The following PI4KA variants were observed in gnomAD, a reference collection of about 807,000 sequenced individuals.
The protein encoded by PI4KA is phosphatidylinositol 4-kinase alpha, also known as PI4-kinase alpha.
A neutral mutation model predicts 271.4 loss-of-function variants in PI4KA; 122 were observed. That is an observed-to-expected ratio of 0.45 (90% CI 0.39 to 0.52). The LOEUF is 0.52. Ranked by LOEUF, PI4KA falls within the 20% of genes least tolerant of loss-of-function variation. PI4KA has a pLI of 0.00. For synonymous variants in PI4KA, 1,041 were observed against 1,078.8 expected (o/e 0.96, Z 0.69); for missense variants, 1,969 against 2,769.1 (o/e 0.71, Z 6.48).
At chr22:20,770,027 T>C (rs982802475) in intron 19 of PI4KA, among the ~76,000 whole-genome samples, 2 of 152,154 alleles carry the variant, frequency 1.3e-5, no homozygotes, top group Non-Finnish European at 2.9e-5. Flanking sequence ...AGTATTCAAT[T>C]ATTCCAATTT....
chr22:20,735,000 T>C (rs904882811), intron 32 of PI4KA, among the ~76,000 whole-genome samples: 15 of 152,258 alleles, frequency 9.9e-5, no homozygotes, highest in East Asian at 3.9e-4. Flanking sequence ...AGACCCTACC[T>C]GATGCCTTCA....
At chr22:20,788,103 G>A (rs781364748) in intron 19 of PI4KA, among the ~76,000 whole-genome samples, 66 of 152,314 alleles carry the variant, frequency 4.3e-4, no homozygotes, top group Admixed American at 2.3e-3. Flanking sequence ...TGTTCAGCAC[G>A]CAAGAGTGCC....
At chr22:20,769,874 G>C (rs1342240875) in intron 19 of PI4KA, among the ~76,000 whole-genome samples, 1 of 152,192 alleles carries the variant, frequency 6.6e-6, no homozygotes, top group Non-Finnish European at 1.5e-5. Flanking sequence ...CTTCCCAGGA[G>C]TGATGGTAGC....
rs562075687 is a variant in PI4KA at position 20,710,302 on chromosome 22, C to T, written c.6084-305G>A. On this transcript the variant is annotated intron_variant, in intron 52 of 54. Transcript: ENST00000255882. The stretch of plus-strand genomic sequence containing the variant: ...GATGCAGACACGCTGACCTGCCTTT[C>T]TCTGCAGGGCAGTGGGGATGAACCC... 4.6e-5 allele frequency: 25 copies of T among 540,436 alleles called. No homozygotes were observed. The East Asian group carries it at 8.3e-4, about 18-fold the overall frequency. 33.5% of individuals were successfully genotyped at this position (540,436 alleles called of 1,614,324 possible). A position where few individuals can be genotyped will look rare whatever the true frequency, so the allele number is the denominator to read the frequency against.
chr22:20,819,690 TGACA>T lies in PI4KA; in HGVS notation c.736_739del (p.Cys246ArgfsTer5). 1.9e-6 allele frequency: 3 copies of T among 1,614,108 alleles called. No individual in the cohort carries two copies. Among genetic ancestry groups the T allele is most frequent in the Non-Finnish European group, 2.5e-6 (3 of 1,180,008 alleles). On this transcript the variant is annotated frameshift_variant, in exon 6 of 55. Coordinates refer to ENST00000255882, the MANE Select transcript of PI4KA (RefSeq NM_058004.4). LOFTEE classifies it high-confidence loss of function. ...GGTTTTCCTCTTCAGGGTACCCTCC[TGACA>T]GACAGTCAGCAGATTGCTGGGGAGG...
chr22:20,790,981 T>C (rs936685628), intron 19 of PI4KA, among the ~76,000 whole-genome samples: 1 of 152,120 alleles, frequency 6.6e-6, no homozygotes, highest in African/African-American at 2.4e-5. Context: ...CAGATAACAG[T>C]TCTGCCTGTA....
At chr22:20,753,363 G>A (rs1267519773) in intron 23 of PI4KA, among the ~76,000 whole-genome samples, 183 bp from the exon 24 acceptor site, 2 of 152,168 alleles carry the variant, frequency 1.3e-5, no homozygotes, top group African/African-American at 4.8e-5. Context: ...AGGCTGATGT[G>A]TCAAAACTGA....
chr22:20,726,631 C>T (rs1927385283), intron 41 of PI4KA, 90 bp from the exon 42 acceptor site: 1 of 1,183,948 alleles, frequency 8.4e-7, no homozygotes, highest in Non-Finnish European at 1.2e-6. Flanking sequence ...TCTGCTCTGC[C>T]CACAGCAGGG....
chr22:20,786,120 T>C, intron 19 of PI4KA: 1 of 1,614,044 alleles, frequency 6.2e-7, no homozygotes, highest in African/African-American at 1.3e-5. Flanking sequence ...ATGGCAGGCA[T>C]CTCAGACCAA....
At chr22:20,852,632 C>T (rs182784344) in intron 1 of PI4KA, among the ~76,000 whole-genome samples, 5 of 152,254 alleles carry the variant, frequency 3.3e-5, no homozygotes, top group Middle Eastern at 3.4e-3. Flanking sequence ...GTATACCCTC[C>T]GCTGACCCTC....
chr22:20,766,275 A>G (rs1353977256), intron 19 of PI4KA, among the ~76,000 whole-genome samples: 1 of 152,092 alleles, frequency 6.6e-6, no homozygotes, highest in Non-Finnish European at 1.5e-5. Flanking sequence ...TAACAGGTAA[A>G]GCAGAGTTGC....
rs1925445157 is a variant in PI4KA, at chr22:20,712,623, G to A, written c.5677-12C>T. The A allele has an allele frequency of 6.3e-7, 1 of 1,577,878 alleles. No homozygotes were observed. Among genetic ancestry groups the A allele is most frequent in the Admixed American group, 1.8e-5 (1 of 54,770 alleles). ...TCGATCACCCCGCACTAGGAGGAAA[G>A]GCCAGTTCTGAGGCCCGCTGGGTGC... On this transcript the variant is annotated splice_polypyrimidine_tract_variant and intron_variant, in intron 49 of 54. Transcript: ENST00000255882.
chr22:20,816,409 G>A (rs1157898731), intron 7 of PI4KA, among the ~76,000 whole-genome samples: 7 of 152,100 alleles, frequency 4.6e-5, no homozygotes, highest in Admixed American at 2.0e-4. Flanking sequence ...GATTACAGGC[G>A]TGAGCCACAT....
At chr22:20,779,947 G>C in intron 19 of PI4KA, 6 of 1,614,188 alleles carry the variant, frequency 3.7e-6, no homozygotes, top group Non-Finnish European at 5.1e-6. Context: ...CTCTTCAGGA[G>C]GAATTTTGGG....
chr22:20,792,962 G>C (rs1168404012), intron 19 of PI4KA, among the ~76,000 whole-genome samples: 1 of 152,184 alleles, frequency 6.6e-6, no homozygotes, highest in Non-Finnish European at 1.5e-5. Flanking sequence ...CTTGTCAATT[G>C]GTTGAGGGGG....
At chr22:20,736,127 G>A (rs1928688600) in intron 32 of PI4KA, among the ~76,000 whole-genome samples, 1 of 152,146 alleles carries the variant, frequency 6.6e-6, no homozygotes, top group African/African-American at 2.4e-5. Flanking sequence ...GGTGGCCAGG[G>A]AGAGCCCTGG....
At chr22:20,842,942 C>CA (rs1415225313) in intron 1 of PI4KA, among the ~76,000 whole-genome samples, 1 of 151,204 alleles carries the variant, frequency 6.6e-6, no homozygotes, top group Non-Finnish European at 1.5e-5. Context: ...ACTAAAAATA[C>CA]AAAAAATTAG....
intron 29 of PI4KA, among the ~76,000 whole-genome samples, chr22:20,746,516 A>G (rs1930133558): frequency 6.6e-6 from 1 of 152,228 alleles, no homozygotes; most frequent in Admixed American, 6.5e-5. Flanking sequence ...ATGAGAACAC[A>G]TATTCTATTT....
chr22:20,807,584 A>G (rs778707554), intron 9 of PI4KA, 126 bp from the exon 10 acceptor site: 6 of 625,070 alleles, frequency 9.6e-6, no homozygotes, highest in Non-Finnish European at 1.7e-5. Context: ...GCAACTGTTT[A>G]TCATGACTCA....
Sources: gnomAD v4.1 joint callset for allele counts (sites outside exome capture counted in the v4.1 genomes callset) on GRCh38, gnomAD v4.1.1 for gene constraint, MANE v1.5 for transcripts, NCBI Gene and HGNC (gene_info 2026-07-23, HGNC 2026-07-21) for gene names.